HEATR5A: variants seen among roughly 807,000 people sequenced by gnomAD.
The protein encoded by HEATR5A is HEAT repeat-containing protein 5A.
HEATR5A carries 178 observed loss-of-function variants against 218.8 expected under a neutral mutation model. The observed-to-expected ratio is 0.81, with a 90% CI of 0.72 to 0.92. The LOEUF (loss-of-function observed/expected upper bound fraction) is 0.92, where lower values mean the gene tolerates loss of function less well. Among genes scored for constraint, HEATR5A ranks in the 40% least tolerant of loss-of-function variants. HEATR5A has a pLI of 0.00. For missense variants in HEATR5A, 2,420 were observed against 2,418.9 expected, an observed-to-expected ratio of 1.00 and a Z score of -0.01; for synonymous variants, 864 against 871.6, an observed-to-expected ratio of 0.99 and a Z score of 0.15.
intron 1 of HEATR5A, 79 bp downstream of exon 1, chr14:31,420,393 T>C (rs1305508534): frequency 6.6e-6 from 1 of 152,364 alleles, no homozygotes; most frequent in East Asian, 1.9e-4. Context: ...TGCGTTCTCC[T>C]TCCCAGCCAA....
chr14:31,390,815 T>C (rs2030423701), intron 6 of HEATR5A, among the ~76,000 whole-genome samples: 1 of 152,240 alleles, frequency 6.6e-6, no homozygotes, highest in Non-Finnish European at 1.5e-5. Flanking sequence ...TATGTATTTA[T>C]TATACTTTTT....
chr14:31,375,552 C>T (rs2139262326), intron 11 of HEATR5A, among the ~76,000 whole-genome samples: 1 of 152,200 alleles, frequency 6.6e-6, no homozygotes, highest in South Asian at 2.1e-4. Flanking sequence ...CAGGTACATG[C>T]CACCACGCCC....
intron 14 of HEATR5A, among the ~76,000 whole-genome samples, chr14:31,360,315 A>G (rs1176914331): frequency 6.6e-6 from 1 of 152,156 alleles, no homozygotes; most frequent in Non-Finnish European, 1.5e-5. Flanking sequence ...GGCCCCTGGT[A>G]TAGCTTAATT....
chr14:31,401,873 T>C (rs1157703932), intron 2 of HEATR5A, among the ~76,000 whole-genome samples: 1 of 152,246 alleles, frequency 6.6e-6, no homozygotes, highest in Non-Finnish European at 1.5e-5. Flanking sequence ...TAAATGTTAA[T>C]AACATTATTC....
chr14:31,350,558 T>A, intron 17 of HEATR5A, 54 bp downstream of exon 17: 1 of 973,598 alleles, frequency 1.0e-6, no homozygotes, highest in Non-Finnish European at 1.6e-6. Flanking sequence ...CTTCATTGGC[T>A]ACAAATTTTT....
In HEATR5A at chr14:31,407,580, TTATTTATATATATATA is replaced by T. The variant is rs1380047050; in HGVS notation, c.-74-4547_-74-4532del. Among the ~76,000 whole-genome samples the T allele has an allele frequency of 1.2e-3, 183 of 149,268 alleles. 1 individual carries two copies. The highest frequency in any genetic ancestry group is 4.3e-3 in the African/African-American group (173 of 39,794). ...CATGTACCTGTTATCATCACTTATTTTATTTATATATATATATATATATATATATATATATATATAT... is the reference window on the plus strand; with the variant it reads ...CATGTACCTGTTATCATCACTTATTTTATATATATATATATATATATATAT... On this transcript the variant is annotated intron_variant, in intron 1 of 35. Coordinates refer to ENST00000543095, the MANE Select transcript of HEATR5A (RefSeq NM_015473.4).
chr14:31,415,952 T>C (rs74870370), intron 1 of HEATR5A, among the ~76,000 whole-genome samples: 2 of 151,802 alleles, frequency 1.3e-5, no homozygotes, highest in African/African-American at 2.4e-5. Flanking sequence ...TTTTTTTTTT[T>C]CCTTTTCTTT....
intron 11 of HEATR5A, among the ~76,000 whole-genome samples, chr14:31,378,881 T>A (rs1473630350): frequency 6.6e-6 from 1 of 152,090 alleles, no homozygotes; most frequent in Non-Finnish European, 1.5e-5. Flanking sequence ...GTCAAATTAC[T>A]TTATAGGTGT....
At chr14:31,296,292 TAAATA>T (rs1899185913) in intron 33 of HEATR5A, 1 of 405,050 alleles carries the variant, frequency 2.5e-6, no homozygotes, top group Non-Finnish European at 4.4e-6. Flanking sequence ...CATCAGTAAA[TAAATA>T]CATACATTTA....
intron 22 of HEATR5A, among the ~76,000 whole-genome samples, chr14:31,327,074 A>T (rs888615484): frequency 2.6e-5 from 4 of 151,206 alleles, no homozygotes; most frequent in Non-Finnish European, 5.9e-5. Context: ...TCCCGGGTTG[A>T]ATTGGTTCTC....
At chr14:31,379,030 C>T (rs1465852238) in intron 11 of HEATR5A, among the ~76,000 whole-genome samples, 1 of 151,190 alleles carries the variant, frequency 6.6e-6, no homozygotes, top group East Asian at 2.0e-4. Flanking sequence ...CAACCTCTGC[C>T]TCCTGGGTTC....
chr14:31,297,843 G>T (rs1241761864), intron 33 of HEATR5A: 1 of 152,122 alleles, frequency 6.6e-6, no homozygotes, highest in Admixed American at 6.5e-5. Context: ...CACACAATTA[G>T]TAAGGCAGAA....
intron 16 of HEATR5A, among the ~76,000 whole-genome samples, chr14:31,352,064 A>G (rs1043660132): frequency 6.6e-6 from 1 of 152,220 alleles, no homozygotes; most frequent in Non-Finnish European, 1.5e-5. Flanking sequence ...ATGTCCTTAT[A>G]GCACAGAGGT....
intron 16 of HEATR5A, 75 bp from the exon 17 acceptor site, chr14:31,350,792 G>A: frequency 1.2e-6 from 1 of 847,204 alleles, no homozygotes; most frequent in Non-Finnish European, 1.9e-6. Flanking sequence ...TTGTTTGTTT[G>A]TTTGAGACGG....
At chr14:31,408,028 T>C (rs140184888) in intron 1 of HEATR5A, among the ~76,000 whole-genome samples, 323 of 152,340 alleles carry the variant, frequency 2.1e-3, no homozygotes, top group Middle Eastern at 0.01. Flanking sequence ...TGAACTAAGT[T>C]ATAAAGGTAT....
chr14:31,305,410 G>C (rs181866506), intron 31 of HEATR5A, among the ~76,000 whole-genome samples: 1 of 152,182 alleles, frequency 6.6e-6, no homozygotes, highest in Non-Finnish European at 1.5e-5. Flanking sequence ...TTATAGGCAT[G>C]CACCATCATG....
chr14:31,304,003 C>T (rs1363026784), intron 32 of HEATR5A, among the ~76,000 whole-genome samples: 2 of 151,672 alleles, frequency 1.3e-5, no homozygotes, highest in Non-Finnish European at 2.9e-5. Context: ...GCCAGGAGTT[C>T]AAGACCAGCC....
rs761618852 is a variant in HEATR5A at position 31,307,979 on chromosome 14, T to A, written c.4732A>T (p.Thr1578Ser). ...AAACAAGCAGTTATGCTTTCCATGG[T>A]TGCATCTGAACGTAAGGAACATAGA... ...EFLCSLRSDA[T>S]MESITACLHA... The change falls in exon 30 of 36, where the codon ACC becomes TCC. Residue 1578 changes from threonine (T) to serine (S), a missense_variant. Transcript: ENST00000543095. 1 of 1,613,766 alleles carries A rather than the reference T, an allele frequency of 6.2e-7. No homozygotes were observed. The highest frequency in any genetic ancestry group is 2.2e-5 in the East Asian group (1 of 44,850).
Position 31,397,134 on chromosome 14 carries a change from C to A in HEATR5A, c.447+1539G>T, listed in dbSNP as rs557861862. ...CATCAGTTTTACGTTAGAGTCTTCA[C>A]TTCTTAAAGTTCTTGAATCAGCTAC... On this transcript the variant is annotated intron_variant, in intron 4 of 35. Transcript: ENST00000543095. Among the ~76,000 whole-genome samples, 105 of 152,248 alleles carry A rather than the reference C, an allele frequency of 6.9e-4. 2 individuals are homozygous for A. The highest frequency in any genetic ancestry group is 2.5e-3 in the African/African-American group (103 of 41,546).
Sources: gnomAD v4.1 joint callset for allele counts (sites outside exome capture counted in the v4.1 genomes callset) on GRCh38, gnomAD v4.1.1 for gene constraint, MANE v1.5 for transcripts, NCBI Gene and HGNC (gene_info 2026-07-23, HGNC 2026-07-21) for gene names.